The following CCDC15 variants were observed in gnomAD, a reference collection of about 807,000 sequenced individuals.
The protein encoded by CCDC15 is coiled-coil domain containing 15, also known as coiled-coil domain-containing protein 15.
Under a neutral mutation model 114.5 loss-of-function variants are expected in CCDC15, and 105 were observed. That is an observed-to-expected ratio of 0.92 (90% confidence interval 0.78 to 1.08). The LOEUF (loss-of-function observed/expected upper bound fraction) is 1.08, where lower values mean the gene tolerates loss of function less well. CCDC15 is among the 50% of genes least tolerant of loss of function. CCDC15 has a pLI of 0.00. For missense variants in CCDC15, 1,105 were observed against 1,093.6 expected (o/e 1.01, Z -0.15); for synonymous variants, 334 against 377.8 (o/e 0.88, Z 1.34).
At position 125,003,938 on chromosome 11, in the gene CCDC15, T is replaced by A. The variant is rs575589152; in HGVS notation, c.2286T>A (p.Asp762Glu). The A allele has an allele frequency of 1.9e-6, 3 of 1,544,798 alleles. No homozygotes were observed. The South Asian group carries it at 3.9e-5, about 20-fold the overall frequency. The change falls in exon 12 of 16, where the codon GAT becomes GAA. Residue 762 changes from aspartate (D) to glutamate (E), a missense_variant. Transcript: ENST00000344762. ...QAPLAFQSDV[D>E]KEEDKKERQK... ...CACTGGCATTTCAGTCTGACGTGGA[T>A]AAAGAAGAAGATAAGAAAGAGGTAT...
intron 6 of CCDC15, among the ~76,000 whole-genome samples, chr11:124,978,082 G>A (rs1441154899): frequency 2.0e-5 from 3 of 151,980 alleles, no homozygotes; most frequent in African/African-American, 4.8e-5. Context: ...TTTAGCTCCC[G>A]CTTGTAAGTT....
intron 8 of CCDC15, among the ~76,000 whole-genome samples, chr11:124,989,920 G>C (rs1227879443): frequency 1.3e-5 from 2 of 152,178 alleles, no homozygotes; most frequent in Admixed American, 6.6e-5. Flanking sequence ...CAGCAATAAG[G>C]CTATTTTGCT....
chr11:124,999,151 T>C (rs75771396), intron 11 of CCDC15, among the ~76,000 whole-genome samples: 11,389 of 152,246 alleles, frequency 0.075, 692 homozygotes, highest in Admixed American at 0.18. Context: ...TCATTGTTCT[T>C]CTATATGTAA....
chr11:124,980,487 G>A (rs1948052614), intron 6 of CCDC15, among the ~76,000 whole-genome samples: 1 of 152,032 alleles, frequency 6.6e-6, no homozygotes, highest in South Asian at 2.1e-4. Context: ...TGTTTTCCTG[G>A]TTCAATCTTG....
intron 11 of CCDC15, among the ~76,000 whole-genome samples, chr11:124,994,681 G>A (rs1948333733): frequency 6.6e-6 from 1 of 152,038 alleles, no homozygotes; most frequent in African/African-American, 2.4e-5. Flanking sequence ...AAACTAATCA[G>A]GTTTGGGCTG....
chr11:124,987,800 C>T lies in CCDC15; in HGVS notation c.1574C>T (p.Pro525Leu), dbSNP rs1299306659. 4.4e-6 allele frequency: 7 copies of T among 1,605,326 alleles called. 1 individual carries two copies. The Admixed American group carries it at 1.0e-4, about 23-fold the overall frequency. Residue 525 changes from proline to leucine, a missense_variant, in exon 8 of 16, where the codon CCT becomes CTT. Transcript: ENST00000344762. ...CTCCCCAAAGACCAGAATATTCTAC[C>T]TAAATATCAAGGCCAGGATTTTCTA... ...HVLPKDQNIL[P>L]KYQGQDFLPK...
At position 124,967,813 on chromosome 11, in the gene CCDC15, T is replaced by G. The variant is rs1054777932; in HGVS notation, c.517-7283T>G. On this transcript the variant is annotated intron_variant, in intron 4 of 15. Transcript: ENST00000344762. ...TGATGATGGTGACCTACAGATGGAG[T>G]TTTGGTGTGGATGTCCTTTTTGTTG... Among the ~76,000 whole-genome samples the G allele has an allele frequency of 1.5e-4, 23 of 152,084 alleles. 1 individual carries two copies. Among genetic ancestry groups the G allele is most frequent in the Non-Finnish European group, 5.9e-5 (4 of 68,012 alleles).
At chr11:124,964,122 C>A (rs550335720) in intron 4 of CCDC15, among the ~76,000 whole-genome samples, 2 of 152,204 alleles carry the variant, frequency 1.3e-5, no homozygotes, top group East Asian at 3.9e-4. Context: ...CGTGGCAATG[C>A]GGGCTCTTTT....
At chr11:125,007,140 T>C (rs1163829314) in intron 13 of CCDC15, among the ~76,000 whole-genome samples, 1 of 152,218 alleles carries the variant, frequency 6.6e-6, no homozygotes, top group Non-Finnish European at 1.5e-5. Flanking sequence ...CAATAAATTA[T>C]TGTTAACTAG....
intron 6 of CCDC15, among the ~76,000 whole-genome samples, chr11:124,979,714 AG>A (rs1948034675): frequency 6.6e-6 from 1 of 152,152 alleles, no homozygotes; most frequent in Non-Finnish European, 1.5e-5. Context: ...TTCTGCAAAT[AG>A]GGATAGTTTG....
intron 13 of CCDC15, among the ~76,000 whole-genome samples, chr11:125,015,039 A>C (rs574932378): frequency 3.3e-5 from 5 of 152,312 alleles, no homozygotes; most frequent in African/African-American, 1.2e-4. Flanking sequence ...TATAATGGCA[A>C]TTAGGAAATA....
rs1948816255 is a variant in CCDC15, at chr11:125,041,357, A to T, written c.*646A>T. 6.6e-6 allele frequency: 1 copy of T among 152,200 alleles called. No homozygotes were observed. The highest frequency in any genetic ancestry group is 2.1e-4 in the South Asian group (1 of 4,830). The allele number at this position is 152,200 out of a possible 1,614,324, so 9.4% of individuals were successfully genotyped here. A position where few individuals can be genotyped will look rare whatever the true frequency, so the allele number is the denominator to read the frequency against. Reference sequence around the variant, plus strand: ...TTTTGAATATCTTCTATGTGAAATAATTGTGAGTGACATTTGAAAAAGTGA... The same window carrying T: ...TTTTGAATATCTTCTATGTGAAATATTTGTGAGTGACATTTGAAAAAGTGA... On this transcript the variant is annotated 3_prime_UTR_variant, in exon 16 of 16. Coordinates refer to ENST00000344762, the MANE Select transcript of CCDC15 (RefSeq NM_025004.3).
At chr11:125,034,894 A>G (rs997787855) in intron 13 of CCDC15, among the ~76,000 whole-genome samples, 10 of 152,130 alleles carry the variant, frequency 6.6e-5, no homozygotes, top group African/African-American at 2.4e-4. Flanking sequence ...GAAAGACAGA[A>G]CTATATATAT....
At chr11:125,020,972 T>C (rs996116009) in intron 13 of CCDC15, among the ~76,000 whole-genome samples, 1 of 151,780 alleles carries the variant, frequency 6.6e-6, no homozygotes, top group African/African-American at 2.4e-5. Context: ...AGATGTCAAA[T>C]TGGCAGGTAG....
At chr11:124,962,885 T>C (rs886291225) in intron 4 of CCDC15, among the ~76,000 whole-genome samples, 16 of 152,244 alleles carry the variant, frequency 1.1e-4, no homozygotes, top group African/African-American at 3.9e-4. Context: ...GACCTATGAG[T>C]GAGAACATGC....
chr11:125,033,516 A>G (rs563263524), intron 13 of CCDC15, among the ~76,000 whole-genome samples: 15 of 152,194 alleles, frequency 9.9e-5, no homozygotes. Flanking sequence ...GAGCTCTTCA[A>G]AGATGTAGGT....
intron 8 of CCDC15, 127 bp downstream of exon 8, chr11:124,988,261 A>G: frequency 1.0e-6 from 1 of 978,088 alleles, no homozygotes; most frequent in Middle Eastern, 2.2e-4. Flanking sequence ...ATTGCAATAA[A>G]GCAAATATTG....
chr11:124,998,455 C>T (rs1392400197), intron 11 of CCDC15, among the ~76,000 whole-genome samples: 2 of 152,068 alleles, frequency 1.3e-5, no homozygotes, highest in East Asian at 3.9e-4. Context: ...TAATTTCATT[C>T]TAACTGACCT....
intron 13 of CCDC15, among the ~76,000 whole-genome samples, chr11:125,012,562 A>T (rs960178519): frequency 7.9e-5 from 12 of 152,184 alleles, no homozygotes; most frequent in Non-Finnish European, 1.6e-4. Flanking sequence ...AGCACAGAAG[A>T]AGGGATTAAC....
Sources: allele counts gnomAD v4.1 joint callset (sites outside exome capture counted in the v4.1 genomes callset), GRCh38; gene constraint gnomAD v4.1.1; transcripts MANE v1.5; gene names NCBI Gene and HGNC (gene_info 2026-07-23, HGNC 2026-07-21).